DPYSL2: variants seen among roughly 807,000 people sequenced by gnomAD.
DPYSL2 encodes the protein dihydropyrimidinase-related protein 2.
A neutral mutation model predicts 69.9 loss-of-function variants in DPYSL2; 13 were observed. The ratio of observed to expected loss-of-function variants is 0.19; its 90% CI spans 0.12 to 0.30. The LOEUF is 0.30. Ranked by LOEUF, DPYSL2 falls within the 10% of genes least tolerant of loss-of-function variation. The pLI is 1.00. For synonymous variants in DPYSL2, 326 were observed against 359.1 expected (o/e 0.91, Z 1.04); for missense variants, 587 against 918.9 (o/e 0.64, Z 4.67).
At chr8:26,618,149 T>G (rs537395107) in intron 3 of DPYSL2, among the ~76,000 whole-genome samples, 4 of 152,302 alleles carry the variant, frequency 2.6e-5, no homozygotes, top group African/African-American at 9.6e-5. Context: ...TTCCTGGCTC[T>G]CATAAACCAG....
rs999668154 is a variant in DPYSL2 at position 26,591,786 on chromosome 8, C to G, written c.628+7803C>G. Among the ~76,000 whole-genome samples the G allele has an allele frequency of 6.6e-6, 1 of 152,120 alleles. No individual in the cohort carries two copies. Among genetic ancestry groups the G allele is most frequent in the Non-Finnish European group, 1.5e-5 (1 of 68,028 alleles). The stretch of plus-strand genomic sequence containing the variant: ...TCCCCCCATGGCAGCCCCTCTGCCT[C>G]TGGAGAATCCCAGAGCTTGGGGAAG... On this transcript the variant is annotated intron_variant, in intron 3 of 13. Coordinates refer to ENST00000521913, the MANE Select transcript of DPYSL2 (RefSeq NM_001197293.3). The surrounding 1 kb of genome is among the most constrained non-coding windows in gnomAD (Gnocchi z 5.8).
At position 26,643,876 on chromosome 8, in the gene DPYSL2, C is replaced by T. The variant is rs538429542; in HGVS notation, c.1284-74C>T. The stretch of plus-strand genomic sequence containing the variant: ...GGTTGGTGTGATGCCATTCATGAGA[C>T]AGCCCACCAAATAGGTGTAGGCGCA... On this transcript the variant is annotated intron_variant, in intron 9 of 13. Coordinates refer to ENST00000521913, the MANE Select transcript of DPYSL2 (RefSeq NM_001197293.3). This position sits in a 1 kb window ranked among gnomAD's most constrained non-coding sequence, Gnocchi z 6.5. 5 of 1,533,894 alleles carry T rather than the reference C, an allele frequency of 3.3e-6. No homozygotes were observed. The African/African-American group carries it at 4.1e-5, about 12-fold the overall frequency.
chr8:26,608,922 A>G (rs758903780), intron 3 of DPYSL2, among the ~76,000 whole-genome samples: 30 of 152,162 alleles, frequency 2.0e-4, no homozygotes, highest in Non-Finnish European at 4.0e-4. Flanking sequence ...GGGATGCAAG[A>G]ATTGTGCAAC....
At position 26,640,711 on chromosome 8, in the gene DPYSL2, A is replaced by G. The variant is rs79889339; in HGVS notation, c.1127-2728A>G. ...AAGAAAGAAAATCCAAAAGACAGCA[A>G]GGACCTCTGAATCCCTGAGGGAAGT... On this transcript the variant is annotated intron_variant, in intron 8 of 13. Transcript: ENST00000521913. This position sits in a 1 kb window ranked among gnomAD's most constrained non-coding sequence, Gnocchi z 4.2. Among the ~76,000 whole-genome samples, 1,682 of 152,320 alleles carry G rather than the reference A, an allele frequency of 0.011. 16 individuals carry two copies. The highest frequency in any genetic ancestry group is 0.065 in the Middle Eastern group (19 of 294).
intron 1 of DPYSL2, among the ~76,000 whole-genome samples, chr8:26,523,968 T>C (rs1808434170): frequency 6.6e-6 from 1 of 152,270 alleles, no homozygotes; most frequent in African/African-American, 2.4e-5. Context: ...TTGTGAATAA[T>C]GTTGCTATGA....
chr8:26,589,928 A>G (rs13248890), intron 3 of DPYSL2, among the ~76,000 whole-genome samples: 1 of 152,178 alleles, frequency 6.6e-6, no homozygotes, highest in African/African-American at 2.4e-5. Flanking sequence ...GAGCCTCCCC[A>G]TGGAGGCAGG....
intron 1 of DPYSL2, among the ~76,000 whole-genome samples, chr8:26,579,083 G>A (rs1293035091): frequency 2.0e-5 from 3 of 152,248 alleles, no homozygotes; most frequent in Non-Finnish European, 4.4e-5. Flanking sequence ...CATACAAAGC[G>A]GACTGCAGGG....
rs1030678407 is a variant in DPYSL2, at chr8:26,658,015, G to A, written c.*2309G>A. On this transcript the variant is annotated 3_prime_UTR_variant, in exon 14 of 14. Transcript: ENST00000521913. The surrounding 1 kb of genome is among the most constrained non-coding windows in gnomAD (Gnocchi z 4.7). Reference sequence around the variant, plus strand: ...GAGTGGAGGAACTTTCAGTTCTAAAGCTGATAAAGTGTGTAGCCAGAAGAG... The same window carrying A: ...GAGTGGAGGAACTTTCAGTTCTAAAACTGATAAAGTGTGTAGCCAGAAGAG... The A allele has an allele frequency of 6.6e-6, 1 of 152,572 alleles. No individual in the cohort carries two copies. The highest frequency in any genetic ancestry group is 2.4e-5 in the African/African-American group (1 of 41,444). 9.5% of individuals were successfully genotyped at this position (152,572 alleles called of 1,614,324 possible). A position where few individuals can be genotyped will look rare whatever the true frequency, so the allele number is the denominator to read the frequency against.
At position 26,582,086 on chromosome 8, in the gene DPYSL2, A is replaced by ATT; in HGVS notation, c.443+31_443+32dup. On this transcript the variant is annotated intron_variant, in intron 2 of 13. Coordinates refer to ENST00000521913, the MANE Select transcript of DPYSL2 (RefSeq NM_001197293.3). The surrounding 1 kb of genome is among the most constrained non-coding windows in gnomAD (Gnocchi z 4.1). ...AGTGTAACTCATGATATACAGATGT[A>ATT]TTTGAACACTTTCCAGACTTCCCAA... 1.9e-6 allele frequency: 3 copies of ATT among 1,565,076 alleles called. No homozygotes were observed. The highest frequency in any genetic ancestry group is 2.6e-6 in the Non-Finnish European group (3 of 1,137,166).
chr8:26,612,985 A>C (rs573412122), intron 3 of DPYSL2, among the ~76,000 whole-genome samples: 1 of 152,358 alleles, frequency 6.6e-6, no homozygotes, highest in South Asian at 2.1e-4. Flanking sequence ...GGTACGTGAT[A>C]ACACTTTGTG....
rs891352670 is a variant in DPYSL2 at position 26,582,279 on chromosome 8, T to A, written c.443+222T>A. 1.3e-5 allele frequency among the ~76,000 whole-genome samples: 2 copies of A among 152,248 alleles called. No homozygotes were observed. Among genetic ancestry groups the A allele is most frequent in the Non-Finnish European group, 2.9e-5 (2 of 68,044 alleles). ...TAATGTACACCCGTTGCATTAGGTA[T>A]TATGTAATTTACTATTTTTAACTGA... On this transcript the variant is annotated intron_variant, in intron 2 of 13. Coordinates refer to ENST00000521913, the MANE Select transcript of DPYSL2 (RefSeq NM_001197293.3). The surrounding 1 kb of genome is among the most constrained non-coding windows in gnomAD (Gnocchi z 4.1).
At chr8:26,592,697 G>A (rs139183188) in intron 3 of DPYSL2, among the ~76,000 whole-genome samples, 8,782 of 151,254 alleles carry the variant, frequency 0.058, 284 homozygotes, top group South Asian at 0.14. Flanking sequence ...GGCTGGTCAC[G>A]AACTCCTGAC....
chr8:26,599,126 A>G (rs1801934705), intron 3 of DPYSL2, among the ~76,000 whole-genome samples: 1 of 152,212 alleles, frequency 6.6e-6, no homozygotes, highest in Non-Finnish European at 1.5e-5. Context: ...GATGCATAGA[A>G]AAGAAATAGG....
chr8:26,563,779 GTGT>G (rs1275587598), intron 1 of DPYSL2, among the ~76,000 whole-genome samples: 5 of 152,326 alleles, frequency 3.3e-5, no homozygotes, highest in Admixed American at 3.3e-4. Flanking sequence ...GAGGGCAGAG[GTGT>G]TGTAGGTTTT....
Position 26,642,610 on chromosome 8 carries a change from G to A in DPYSL2, c.1127-829G>A, listed in dbSNP as rs1585568665. Reference sequence around the variant, plus strand: ...AGAGATGATGAGGGCCTGATTTAAGGAACGATTGTATTGAAGGCACTAAGG... The same window carrying A: ...AGAGATGATGAGGGCCTGATTTAAGAAACGATTGTATTGAAGGCACTAAGG... On this transcript the variant is annotated intron_variant, in intron 8 of 13. Coordinates refer to ENST00000521913, the MANE Select transcript of DPYSL2 (RefSeq NM_001197293.3). The surrounding 1 kb of genome is among the most constrained non-coding windows in gnomAD (Gnocchi z 5.3). Among the ~76,000 whole-genome samples, 2 of 152,168 alleles carry A rather than the reference G, an allele frequency of 1.3e-5. No individual in the cohort carries two copies. The highest frequency in any genetic ancestry group is 4.8e-5 in the African/African-American group (2 of 41,440).
In DPYSL2 at chr8:26,647,892, C is replaced by T; in HGVS notation, c.1596+92C>T. ...AGAGCCCCAGGGTTTCTAAAAAGAA[C>T]TTGCTGTGATGGGAATGCGCTCGAC... is the stretch of plus-strand genomic sequence containing the variant. On this transcript the variant is annotated intron_variant, in intron 11 of 13. Transcript: ENST00000521913. This position sits in a 1 kb window ranked among gnomAD's most constrained non-coding sequence, Gnocchi z 5.1. 2 of 1,455,328 alleles carry T rather than the reference C, an allele frequency of 1.4e-6. No individual in the cohort carries two copies. The highest frequency in any genetic ancestry group is 1.8e-6 in the Non-Finnish European group (2 of 1,088,558). 90.2% of individuals were successfully genotyped at this position (1,455,328 alleles called of 1,614,324 possible).
chr8:26,577,174 G>A (rs778595081), intron 1 of DPYSL2: 18 of 446,142 alleles, frequency 4.0e-5, no homozygotes, highest in Non-Finnish European at 9.0e-6. Context: ...CCTGCAGCCC[G>A]GCGCCTCCAC....
At chr8:26,616,268 A>G (rs1020206943) in intron 3 of DPYSL2, among the ~76,000 whole-genome samples, 1 of 151,728 alleles carries the variant, frequency 6.6e-6, no homozygotes, top group African/African-American at 2.4e-5. Context: ...TTTTTTTCAG[A>G]GCAAAACCAC....
chr8:26,635,101 A>G (rs1802879299), intron 8 of DPYSL2, among the ~76,000 whole-genome samples: 1 of 152,196 alleles, frequency 6.6e-6, no homozygotes, highest in African/African-American at 2.4e-5. Flanking sequence ...CCTTGTTAGT[A>G]TCTATTTAAA....
Sources: allele counts gnomAD v4.1 joint callset (sites outside exome capture counted in the v4.1 genomes callset), GRCh38; gene constraint gnomAD v4.1.1; non-coding constraint Gnocchi (gnomAD v3.1); transcripts MANE v1.5; gene names NCBI Gene and HGNC (gene_info 2026-07-23, HGNC 2026-07-21).